The following PELI2 variants were observed in gnomAD, a reference collection of about 807,000 sequenced individuals.
PELI2 encodes E3 ubiquitin-protein ligase pellino homolog 2.
A neutral mutation model predicts 42.3 loss-of-function variants in PELI2; 23 were observed. The ratio of observed to expected loss-of-function variants is 0.54; its 90% CI spans 0.39 to 0.77. The LOEUF (loss-of-function observed/expected upper bound fraction) is 0.77. Among genes scored for constraint, PELI2 ranks in the 30% least tolerant of loss-of-function variants. The pLI, the probability that PELI2 is intolerant of heterozygous loss-of-function variation, is 0.00. For missense variants in PELI2, 463 were observed against 553.2 expected (o/e 0.84, Z 1.64); for synonymous variants, 245 against 212.2 (o/e 1.15, Z -1.34).
At chr14:56,244,601 T>G (rs939064273) in intron 2 of PELI2, among the ~76,000 whole-genome samples, 2 of 152,212 alleles carry the variant, frequency 1.3e-5, no homozygotes, top group African/African-American at 4.8e-5. Context: ...GCCACTCTGC[T>G]AATGCTCATC....
At position 56,118,708 on chromosome 14, in the gene PELI2, A is replaced by T; in HGVS notation, c.48A>T (p.Pro16=). Residue 16 remains proline (P), a synonymous_variant, in exon 1 of 6, where the codon CCA becomes CCT. Coordinates refer to ENST00000267460, the MANE Select transcript of PELI2 (RefSeq NM_021255.3). ...AACACTGCGCCCCCAATAAGGAGCC[A>T]GTGAAATACGGGGAGCTGGTGGTGC... The part of the protein sequence containing the change: ...QEEHCAPNKE[P]VKYGELVVLG... 1 of 1,530,592 alleles carries T rather than the reference A, an allele frequency of 6.5e-7. No individual in the cohort carries two copies. The highest frequency in any genetic ancestry group is 8.8e-7 in the Non-Finnish European group (1 of 1,138,696). The allele number at this position is 1,530,592 out of a possible 1,614,324, so 94.8% of individuals were successfully genotyped here.
At chr14:56,140,620 T>C (rs117952759) in intron 1 of PELI2, among the ~76,000 whole-genome samples, 1,614 of 152,362 alleles carry the variant, frequency 0.011, 85 homozygotes, top group Admixed American at 0.092. Flanking sequence ...TATGCCTCTT[T>C]AAGAGGATGT....
chr14:56,123,731 A>G (rs1305816578), intron 1 of PELI2, among the ~76,000 whole-genome samples: 3 of 152,224 alleles, frequency 2.0e-5, no homozygotes, highest in Admixed American at 1.3e-4. Flanking sequence ...TGAAAGTAAA[A>G]CAGGCTTGAT....
chr14:56,240,717 A>T (rs768662736), intron 2 of PELI2, among the ~76,000 whole-genome samples: 1 of 152,086 alleles, frequency 6.6e-6, no homozygotes, highest in Non-Finnish European at 1.5e-5. Context: ...ACTAGGGGGT[A>T]AAGAGATGCT....
chr14:56,189,318 A>T (rs1885878486), intron 2 of PELI2, among the ~76,000 whole-genome samples: 1 of 152,160 alleles, frequency 6.6e-6, no homozygotes, highest in Admixed American at 6.5e-5. Context: ...TTCCTTGTGG[A>T]AATTCAGGAA....
rs951574616 is a variant in PELI2 at position 56,248,371 on chromosome 14, CT to C, written c.208-31294del. Reference sequence around the variant, plus strand: ...AGTGAGAGAATACAGATCATTATTCCTTTTTTTTTTTAATCTGAAAGAATTG... The same window carrying C: ...AGTGAGAGAATACAGATCATTATTCCTTTTTTTTTTAATCTGAAAGAATTG... On this transcript the variant is annotated intron_variant, in intron 2 of 5. Transcript: ENST00000267460. Among the ~76,000 whole-genome samples, 1,412 of 148,780 alleles carry C rather than the reference CT, an allele frequency of 9.5e-3. 22 individuals carry two copies. Among genetic ancestry groups the C allele is most frequent in the African/African-American group, 0.031 (1,250 of 40,462 alleles).
intron 2 of PELI2, among the ~76,000 whole-genome samples, chr14:56,235,600 G>A (rs551585861): frequency 1.3e-5 from 2 of 152,258 alleles, no homozygotes; most frequent in African/African-American, 4.8e-5. Context: ...GGCTGGCCCT[G>A]CCAGAGTCAT....
At chr14:56,169,822 T>C (rs1885101508) in intron 1 of PELI2, among the ~76,000 whole-genome samples, 1 of 152,214 alleles carries the variant, frequency 6.6e-6, no homozygotes, top group Non-Finnish European at 1.5e-5. Flanking sequence ...ATAAACGTTG[T>C]TGCGTTTCTG....
At chr14:56,233,935 G>T (rs186115550) in intron 2 of PELI2, among the ~76,000 whole-genome samples, 23 of 152,286 alleles carry the variant, frequency 1.5e-4, no homozygotes, top group African/African-American at 5.5e-4. Flanking sequence ...TCAAAAGTGG[G>T]CGAAGGACAT....
At chr14:56,271,043 T>C (rs1889087242) in intron 2 of PELI2, among the ~76,000 whole-genome samples, 1 of 152,232 alleles carries the variant, frequency 6.6e-6, no homozygotes, top group Non-Finnish European at 1.5e-5. Flanking sequence ...TATCAGTGGC[T>C]ACTGCAGTGA....
chr14:56,254,411 A>AAT (rs55957452), intron 2 of PELI2, among the ~76,000 whole-genome samples: 2 of 151,134 alleles, frequency 1.3e-5, no homozygotes, highest in African/African-American at 2.4e-5. Context: ...AAAAAAAAAA[A>AAT]TGGTGTTGGG....
At chr14:56,289,010 T>C (rs751349800) in intron 4 of PELI2, among the ~76,000 whole-genome samples, 14 of 152,174 alleles carry the variant, frequency 9.2e-5, no homozygotes, top group Non-Finnish European at 1.5e-4. Flanking sequence ...AAAAATGTTT[T>C]ATGAGTGTTT....
chr14:56,140,747 G>A (rs1056694712), intron 1 of PELI2, among the ~76,000 whole-genome samples: 12 of 152,118 alleles, frequency 7.9e-5, no homozygotes, highest in South Asian at 4.1e-4. Context: ...TTGAAATTTT[G>A]GTTTAACCAC....
chr14:56,131,931 G>A (rs1883500976), intron 1 of PELI2, among the ~76,000 whole-genome samples: 1 of 152,186 alleles, frequency 6.6e-6, no homozygotes, highest in African/African-American at 2.4e-5. Context: ...GCCGAGTTCA[G>A]GAGAGAGTTG....
In PELI2 at chr14:56,290,987, T is replaced by A. The variant is rs569223723; in HGVS notation, c.696+531T>A. Among the ~76,000 whole-genome samples, 4 of 152,376 alleles carry A rather than the reference T, an allele frequency of 2.6e-5. No individual in the cohort carries two copies. In the South Asian group the frequency reaches 8.3e-4, roughly 32 times the overall value. Reference sequence around the variant, plus strand: ...TACTTGAAATGATTTATATACTGCATTGACCTGGCATGTTAATATTTTCCT... The same window carrying A: ...TACTTGAAATGATTTATATACTGCAATGACCTGGCATGTTAATATTTTCCT... On this transcript the variant is annotated intron_variant, in intron 5 of 5. Transcript: ENST00000267460.
intron 1 of PELI2, among the ~76,000 whole-genome samples, chr14:56,141,051 G>T (rs1407990718): frequency 6.6e-6 from 1 of 152,144 alleles, no homozygotes; most frequent in Non-Finnish European, 1.5e-5. Context: ...GTTTTGTCTG[G>T]TTTGGTGAGA....
At chr14:56,184,794 A>G (rs1026265947) in intron 2 of PELI2, among the ~76,000 whole-genome samples, 21 of 152,220 alleles carry the variant, frequency 1.4e-4, no homozygotes, top group African/African-American at 5.0e-4. Context: ...GTTTTAAATT[A>G]AATGGGGGAA....
chr14:56,120,250 G>A (rs1183529249), intron 1 of PELI2, among the ~76,000 whole-genome samples: 1 of 152,218 alleles, frequency 6.6e-6, no homozygotes, highest in African/African-American at 2.4e-5. Context: ...ATCTTGTGGA[G>A]TTTGGTTTTG....
chr14:56,294,659 C>T (rs930574858), intron 5 of PELI2, among the ~76,000 whole-genome samples: 1 of 152,216 alleles, frequency 6.6e-6, no homozygotes, highest in African/African-American at 2.4e-5. Flanking sequence ...TGGGCAGTGG[C>T]ATCCATTCCC....
Sources: gnomAD v4.1 joint callset for allele counts (sites outside exome capture counted in the v4.1 genomes callset) on GRCh38, gnomAD v4.1.1 for gene constraint, MANE v1.5 for transcripts, NCBI Gene and HGNC (gene_info 2026-07-23, HGNC 2026-07-21) for gene names.